The following ERMARD variants were observed in gnomAD, a reference collection of about 807,000 sequenced individuals.
ERMARD encodes endoplasmic reticulum membrane-associated RNA degradation protein.
Under a neutral mutation model 83.9 loss-of-function variants are expected in ERMARD, and 71 were observed. The observed-to-expected ratio is 0.85, with a 90% confidence interval of 0.70 to 1.03. The LOEUF is 1.03. ERMARD is among the 50% of genes least tolerant of loss of function. The pLI, the probability that ERMARD is intolerant of heterozygous loss-of-function variation, is 0.00. For synonymous variants in ERMARD, 284 were observed against 298.6 expected (o/e 0.95, Z 0.50); for missense variants, 838 against 810.9 (o/e 1.03, Z -0.41).
intron 13 of ERMARD, 88 bp from the exon 14 acceptor site, chr6:169,775,182 C>T: frequency 7.6e-7 from 1 of 1,318,390 alleles, no homozygotes; most frequent in Non-Finnish European, 1.1e-6. Context: ...TACGTATTTT[C>T]TAGAGAGTGA....
chr6:169,771,164 A>T (rs1160476289), intron 12 of ERMARD: 1 of 150,870 alleles, frequency 6.6e-6, no homozygotes, highest in Admixed American at 6.6e-5. Flanking sequence ...GCTCACTGCA[A>T]CCTCTGCCTC....
intron 17 of ERMARD, 102 bp from the exon 18 acceptor site, chr6:169,781,228 G>T: frequency 1.0e-6 from 1 of 1,001,032 alleles, no homozygotes; most frequent in Non-Finnish European, 1.4e-6. Context: ...TAAATTAACT[G>T]CAGTTTACTT....
upstream of ERMARD, chr6:169,751,435 C>G (rs1790059194): frequency 6.2e-7 from 1 of 1,613,978 alleles, no homozygotes; most frequent in African/African-American, 1.3e-5. Flanking sequence ...GGCTCGACTT[C>G]ACGCCTCGGC....
intron 16 of ERMARD, among the ~76,000 whole-genome samples, chr6:169,777,770 G>A (rs1247965370): frequency 6.7e-6 from 1 of 148,872 alleles, no homozygotes; most frequent in South Asian, 2.2e-4. Flanking sequence ...CCCCAGGCCC[G>A]CCCCCCTTCC....
At chr6:169,759,773 C>A in intron 6 of ERMARD, 65 bp from the exon 7 acceptor site, 2 of 1,419,010 alleles carry the variant, frequency 1.4e-6, no homozygotes, top group Non-Finnish European at 2.0e-6. Context: ...GTATTTTTCA[C>A]AGTGAAGCTT....
rs776195986 is a variant in ERMARD, at chr6:169,760,659, C to T, written c.760C>T (p.Leu254Phe). The T allele has an allele frequency of 5.6e-6, 9 of 1,607,988 alleles. No homozygotes were observed. The highest frequency in any genetic ancestry group is 7.7e-6 in the Non-Finnish European group (9 of 1,174,770). ...IVFPDVTYEV[L>F]SVLEEVMMKS... ...TTTTACAGATGTTACTTATGAGGTGCTTTCAGTATTAGAAGAAGTGATGAT... is the reference window on the plus strand; with the variant it reads ...TTTTACAGATGTTACTTATGAGGTGTTTTCAGTATTAGAAGAAGTGATGAT... Residue 254 changes from leucine to phenylalanine, a missense_variant, in exon 8 of 18, where the codon CTT (leucine) becomes TTT (phenylalanine). Coordinates refer to ENST00000366773, the MANE Select transcript of ERMARD (RefSeq NM_018341.3).
At position 169,781,530 on chromosome 6, in the gene ERMARD, A is replaced by G. The variant is rs745774532; in HGVS notation, c.*17A>G. 1 of 1,573,024 alleles carries G rather than the reference A, an allele frequency of 6.4e-7. No homozygotes were observed. The highest frequency in any genetic ancestry group is 1.4e-5 in the African/African-American group (1 of 73,088). On this transcript the variant is annotated 3_prime_UTR_variant, in exon 18 of 18. Coordinates refer to ENST00000366773, the MANE Select transcript of ERMARD (RefSeq NM_018341.3). The stretch of plus-strand genomic sequence containing the variant: ...CTCTTATGAAAACTTGTAAGTCAGG[A>G]TGCTTTTAATTTTAACAGATTTTAA...
chr6:169,751,769 G>A (rs1404014986), intron 1 of ERMARD, 106 bp downstream of exon 1: 4 of 1,398,114 alleles, frequency 2.9e-6, no homozygotes, highest in African/African-American at 1.5e-5. Context: ...ACGCGCCTGC[G>A]GTGGCCGGCG....
intron 17 of ERMARD, 30 bp from the exon 18 acceptor site, chr6:169,781,300 T>C: frequency 1.9e-6 from 3 of 1,553,302 alleles, no homozygotes; most frequent in African/African-American, 1.4e-5. Flanking sequence ...TATAATGGAA[T>C]GGATAAAGAA....
At chr6:169,777,820 G>A (rs1256300412) in intron 16 of ERMARD, among the ~76,000 whole-genome samples, 1 of 151,778 alleles carries the variant, frequency 6.6e-6, no homozygotes, top group African/African-American at 2.4e-5. Context: ...ACAAATGTGT[G>A]GGTCACTGAG....
chr6:169,780,126 A>G (rs538522030), intron 17 of ERMARD, among the ~76,000 whole-genome samples: 1 of 152,336 alleles, frequency 6.6e-6, no homozygotes, highest in African/African-American at 2.4e-5. Flanking sequence ...GAGGGAGCAA[A>G]CATGCAGACT....
upstream of ERMARD, chr6:169,751,413 G>C (rs1384615704): frequency 6.2e-7 from 1 of 1,614,046 alleles, no homozygotes; most frequent in Non-Finnish European, 8.5e-7. Context: ...GTCTGGTTCG[G>C]GGTCTGGATG....
intron 17 of ERMARD, among the ~76,000 whole-genome samples, chr6:169,780,628 G>T (rs978821329): frequency 6.6e-6 from 1 of 152,334 alleles, no homozygotes; most frequent in East Asian, 1.9e-4. Context: ...AATTGGATGT[G>T]TGAGGAGGGG....
chr6:169,780,836 T>C (rs1294896170), intron 17 of ERMARD, among the ~76,000 whole-genome samples: 1 of 152,166 alleles, frequency 6.6e-6, no homozygotes, highest in Non-Finnish European at 1.5e-5. Flanking sequence ...ACAGTGCTCT[T>C]GGTTGCAGAC....
chr6:169,759,103 A>C lies in ERMARD; in HGVS notation c.605+38A>C, dbSNP rs187775779. ...TGAAGACATTTTCTTCCTTTTTTGGATCTACCAAAGAGTTTTTTAAATTTT... is the reference window on the plus strand; with the variant it reads ...TGAAGACATTTTCTTCCTTTTTTGGCTCTACCAAAGAGTTTTTTAAATTTT... On this transcript the variant is annotated intron_variant, in intron 6 of 17. Transcript: ENST00000366773. The C allele has an allele frequency of 3.6e-5, 55 of 1,538,936 alleles. No individual in the cohort carries two copies. In the African/African-American group the frequency reaches 6.2e-4, roughly 17 times the overall value.
intron 17 of ERMARD, among the ~76,000 whole-genome samples, chr6:169,780,821 A>G (rs1794121941): frequency 6.6e-6 from 1 of 152,204 alleles, no homozygotes; most frequent in Non-Finnish European, 1.5e-5. Flanking sequence ...ACACAGATTG[A>G]AATTACAGTG....
intron 3 of ERMARD, 50 bp downstream of exon 3, chr6:169,755,472 T>C: frequency 1.3e-6 from 2 of 1,599,372 alleles, no homozygotes; most frequent in Non-Finnish European, 1.7e-6. Flanking sequence ...CGAATACTAC[T>C]TAGAGGACGT....
intron 5 of ERMARD, 140 bp downstream of exon 5, chr6:169,756,948 C>G: frequency 1.4e-6 from 1 of 736,136 alleles, no homozygotes; most frequent in Non-Finnish European, 2.2e-6. Context: ...AGAATCATGG[C>G]AGGAGGAGAA....
chr6:169,756,487 G>A, intron 4 of ERMARD, 48 bp downstream of exon 4: 1 of 1,349,934 alleles, frequency 7.4e-7, no homozygotes, highest in East Asian at 2.3e-5. Flanking sequence ...TTATCTGAAT[G>A]AACATGAAAC....
Sources: gnomAD v4.1 joint callset for allele counts (sites outside exome capture counted in the v4.1 genomes callset) on GRCh38, gnomAD v4.1.1 for gene constraint, MANE v1.5 for transcripts, NCBI Gene and HGNC (gene_info 2026-07-23, HGNC 2026-07-21) for gene names.